Variants in PRUNE2 observed in about 807,000 individuals in gnomAD.
PRUNE2 encodes the protein protein prune homolog 2.
A neutral mutation model predicts 252.0 loss-of-function variants in PRUNE2; 164 were observed. The ratio of observed to expected loss-of-function variants is 0.65; its 90% confidence interval spans 0.57 to 0.74. The LOEUF (loss-of-function observed/expected upper bound fraction) is 0.74, where lower values mean the gene tolerates loss of function less well. PRUNE2 is among the 30% of genes least tolerant of loss of function. PRUNE2 has a pLI of 0.00. For missense variants in PRUNE2, 3,495 were observed against 3,711.0 expected (o/e 0.94, Z 1.51); for synonymous variants, 1,292 against 1,350.2 (o/e 0.96, Z 0.94).
intron 17 of PRUNE2, 68 bp from the exon 18 acceptor site, chr9:76,619,455 G>T (rs1831169415): frequency 9.1e-7 from 1 of 1,099,790 alleles, no homozygotes; most frequent in Non-Finnish European, 1.4e-6. Context: ...AAGCACAACA[G>T]ATTTGAGGCA....
At chr9:76,776,860 T>C (rs114225619) in intron 6 of PRUNE2, among the ~76,000 whole-genome samples, 2,552 of 149,478 alleles carry the variant, frequency 0.017, 79 homozygotes, top group African/African-American at 0.058. Flanking sequence ...CATGAAGCTT[T>C]CTCTTGAGTT....
chr9:76,898,338 G>A (rs12553751), intron 1 of PRUNE2, among the ~76,000 whole-genome samples: 5,389 of 152,272 alleles, frequency 0.035, 134 homozygotes, highest in South Asian at 0.08. Context: ...AGGAAGTGTG[G>A]CTATTGCTGC....
Position 76,706,541 on chromosome 9 carries a change from T to C in PRUNE2, c.5733A>G (p.Gln1911=), listed in dbSNP as rs755136753. 2.5e-6 allele frequency: 4 copies of C among 1,613,882 alleles called. No homozygotes were observed. The highest frequency in any genetic ancestry group is 3.4e-6 in the Non-Finnish European group (4 of 1,179,898). The change falls in exon 8 of 19, where the codon CAA becomes CAG. Residue 1911 remains glutamine (Q), a synonymous_variant. Coordinates refer to ENST00000376718, the MANE Select transcript of PRUNE2 (RefSeq NM_015225.3). The stretch of plus-strand genomic sequence containing the variant: ...CAGCATCTGGGTCTGGCTGCCTTGG[T>C]TGAATGTTCCAGAGTTGCTCATGGG... ...KNSHEQLWNI[Q]PRQPDPDADK...
intron 4 of PRUNE2, among the ~76,000 whole-genome samples, chr9:76,845,000 TAAAAAAAAAAA>T (rs55754002): frequency 8.2e-5 from 5 of 60,772 alleles, no homozygotes; most frequent in Non-Finnish European, 1.2e-4. Context: ...CCCCCTCTCT[TAAAAAAAAAAA>T]AAAAAAAAAA....
chr9:76,740,450 A>G (rs1200926492), intron 6 of PRUNE2: 1 of 144,112 alleles, frequency 6.9e-6, no homozygotes, highest in African/African-American at 2.7e-5. Context: ...CTCCGTTTCA[A>G]AAAAAAAAAA....
intron 17 of PRUNE2, among the ~76,000 whole-genome samples, chr9:76,623,618 A>T (rs543905991): frequency 1.8e-4 from 27 of 152,326 alleles, no homozygotes; most frequent in African/African-American, 5.8e-4. Flanking sequence ...CAATAGGGGC[A>T]GAGGTTAACT....
At chr9:76,659,212 T>C (rs1850357968) in intron 9 of PRUNE2, among the ~76,000 whole-genome samples, 1 of 152,242 alleles carries the variant, frequency 6.6e-6, no homozygotes, top group South Asian at 2.1e-4. Context: ...CATTACGATC[T>C]AGCCCATTCT....
Position 76,680,683 on chromosome 9 carries a change from C to A in PRUNE2, c.8276+22654G>T, listed in dbSNP as rs2043324978. ...AAGAATGGAAGTATTAGTCCATTTT[C>A]ATACTGCTACAAAGAACTACCTGAG... On this transcript the variant is annotated intron_variant, in intron 9 of 18. Transcript: ENST00000376718. Among the ~76,000 whole-genome samples the A allele has an allele frequency of 2.0e-5, 3 of 152,182 alleles. No individual in the cohort carries two copies. In the South Asian group the frequency reaches 6.2e-4, roughly 32 times the overall value.
chr9:76,743,753 A>G (rs1388615395), intron 6 of PRUNE2, among the ~76,000 whole-genome samples: 1 of 152,234 alleles, frequency 6.6e-6, no homozygotes, highest in African/African-American at 2.4e-5. Context: ...ACTTCCATAT[A>G]TTTATTTCCA....
At chr9:76,811,109 T>C (rs112733077) in intron 6 of PRUNE2, among the ~76,000 whole-genome samples, 2,713 of 152,226 alleles carry the variant, frequency 0.018, 56 homozygotes, top group African/African-American at 0.055. Flanking sequence ...CAGCTAAAAC[T>C]GGTCTGAGCA....
At position 76,706,906 on chromosome 9, in the gene PRUNE2, G is replaced by T; in HGVS notation, c.5368C>A (p.Pro1790Thr). ...TAVEKEKRSSPETGTTGDVAW... is the reference protein window; with the variant it reads ...TAVEKEKRSSTETGTTGDVAW... ...ACATCTCCTGTTGTCCCTGTTTCTGGAGAAGATCTCTTCTCCTTCTCCACT... is the reference window on the plus strand; with the variant it reads ...ACATCTCCTGTTGTCCCTGTTTCTGTAGAAGATCTCTTCTCCTTCTCCACT... Residue 1790 changes from proline (P) to threonine (T), a missense_variant, in exon 8 of 19, where the codon CCA becomes ACA. Physicochemically the swap from Pro to Thr is conservative, Grantham distance 38 (BLOSUM62 -1). Coordinates refer to ENST00000376718, the MANE Select transcript of PRUNE2 (RefSeq NM_015225.3). 6.2e-7 allele frequency: 1 copy of T among 1,601,346 alleles called. No individual in the cohort carries two copies.
chr9:76,719,065 A>C (rs1339948362), intron 6 of PRUNE2, among the ~76,000 whole-genome samples: 1 of 152,178 alleles, frequency 6.6e-6, no homozygotes, highest in African/African-American at 2.4e-5. Context: ...CAGCAGCATC[A>C]CAGCTGGTCT....
At chr9:76,877,604 G>A (rs1441087574) in intron 1 of PRUNE2, among the ~76,000 whole-genome samples, 1 of 152,116 alleles carries the variant, frequency 6.6e-6, no homozygotes, top group East Asian at 1.9e-4. Flanking sequence ...CCTCCAATCA[G>A]ACTACCCAAA....
chr9:76,680,395 T>A (rs562652391), intron 9 of PRUNE2, among the ~76,000 whole-genome samples: 2 of 151,712 alleles, frequency 1.3e-5, no homozygotes, highest in South Asian at 2.1e-4. Flanking sequence ...AAATAACAAG[T>A]GTTGGTGAGG....
chr9:76,743,980 T>C (rs1235830868), intron 6 of PRUNE2, among the ~76,000 whole-genome samples: 1 of 152,228 alleles, frequency 6.6e-6, no homozygotes, highest in Non-Finnish European at 1.5e-5. Context: ...AAACAAACTA[T>C]GAGGTTGTCT....
At chr9:76,615,294 T>A (rs1828901463) in intron 18 of PRUNE2, 1 of 935,930 alleles carries the variant, frequency 1.1e-6, no homozygotes, top group African/African-American at 1.8e-5. Flanking sequence ...AGGAAGAATT[T>A]CAGTTGCGAT....
chr9:76,752,090 T>TCTG (rs2050659704), intron 6 of PRUNE2, among the ~76,000 whole-genome samples: 1 of 82,172 alleles, frequency 1.2e-5, no homozygotes, highest in East Asian at 5.4e-4. Context: ...TTCCTGTTTT[T>TCTG]TTTTTGGTTT....
At chr9:76,634,477 C>CAGCTG (rs1564391274) in intron 15 of PRUNE2, among the ~76,000 whole-genome samples, 1 of 152,124 alleles carries the variant, frequency 6.6e-6, no homozygotes, top group Non-Finnish European at 1.5e-5. Flanking sequence ...AGCTGAGTCT[C>CAGCTG]AGCCAATCAA....
At chr9:76,704,185 TAA>T (rs1467748010) in intron 8 of PRUNE2, 86 bp from the exon 9 acceptor site, 2 of 707,082 alleles carry the variant, frequency 2.8e-6, no homozygotes, top group Admixed American at 6.4e-5. Context: ...AATGATCATC[TAA>T]AAGAGGTAAT....
Sources: gnomAD v4.1 joint callset for allele counts (sites outside exome capture counted in the v4.1 genomes callset) on GRCh38, gnomAD v4.1.1 for gene constraint, MANE v1.5 for transcripts, NCBI Gene and HGNC (gene_info 2026-07-23, HGNC 2026-07-21) for gene names.